UBE2E2: variants seen among roughly 807,000 people sequenced by gnomAD.
UBE2E2 encodes the protein ubiquitin-conjugating enzyme E2 E2.
A neutral mutation model predicts 24.7 loss-of-function variants in UBE2E2; 6 were observed. The observed-to-expected ratio is 0.24, with a 90% CI of 0.13 to 0.48. The LOEUF (loss-of-function observed/expected upper bound fraction) is 0.48. UBE2E2 is among the 20% of genes least tolerant of loss of function. The pLI is 0.99. For synonymous variants in UBE2E2, 104 were observed against 83.6 expected (o/e 1.24, Z -1.33); for missense variants, 169 against 245.0 (o/e 0.69, Z 2.07).
At chr3:23,250,502 G>C (rs1312857744) in intron 3 of UBE2E2, among the ~76,000 whole-genome samples, 1 of 152,100 alleles carries the variant, frequency 6.6e-6, no homozygotes, top group Non-Finnish European at 1.5e-5. Context: ...AAACTATTTA[G>C]TCCTATATTT....
chr3:23,450,285 TTCTC>T (rs1233083599), intron 3 of UBE2E2, among the ~76,000 whole-genome samples: 2 of 152,196 alleles, frequency 1.3e-5, no homozygotes, highest in African/African-American at 4.8e-5. Context: ...GATGGAAATG[TTCTC>T]TCTCTGTGCT....
At chr3:23,566,066 T>C (rs189774016) in intron 5 of UBE2E2, among the ~76,000 whole-genome samples, 2 of 152,290 alleles carry the variant, frequency 1.3e-5, no homozygotes, top group Admixed American at 1.3e-4. Context: ...AGCATAAAGT[T>C]TTTTGCCATG....
At chr3:23,257,530 C>CTTTTTTT (rs3057372) in intron 3 of UBE2E2, among the ~76,000 whole-genome samples, 1 of 16,258 alleles carries the variant, frequency 6.2e-5, no homozygotes, top group Non-Finnish European at 1.0e-4. Flanking sequence ...CCCCCCCCCA[C>CTTTTTTT]TTTTTTTTTT....
intron 4 of UBE2E2, among the ~76,000 whole-genome samples, chr3:23,500,364 G>A (rs935670094): frequency 6.6e-6 from 1 of 152,194 alleles, no homozygotes; most frequent in Non-Finnish European, 1.5e-5. Flanking sequence ...GTGGAAGAGT[G>A]CAGTGAAATC....
At chr3:23,521,806 G>A (rs1201894521) in intron 4 of UBE2E2, among the ~76,000 whole-genome samples, 1 of 152,136 alleles carries the variant, frequency 6.6e-6, no homozygotes, top group Non-Finnish European at 1.5e-5. Context: ...GCCCAGGAAA[G>A]ACAAAAGATT....
Position 23,589,412 on chromosome 3 carries a change from C to T in UBE2E2, c.509-322C>T, listed in dbSNP as rs1384624945. ...CACTCTAGCCTGAGTGACAGAGCAA[C>T]ACCCTGTCTCAAAAGAAAAAAAAAA... On this transcript the variant is annotated intron_variant, in intron 5 of 5. Transcript: ENST00000396703. The surrounding 1 kb of genome is among the most constrained non-coding windows in gnomAD (Gnocchi z 4.1). Among the ~76,000 whole-genome samples the T allele has an allele frequency of 6.9e-6, 1 of 144,436 alleles. No individual in the cohort carries two copies. Among genetic ancestry groups the T allele is most frequent in the Non-Finnish European group, 1.5e-5 (1 of 66,658 alleles). 94.8% of individuals were successfully genotyped at this position (144,436 alleles called of 152,430 possible).
rs1462501157 is a variant in UBE2E2 at position 23,591,477 on chromosome 3, G to T, written c.*1646G>T. On this transcript the variant is annotated 3_prime_UTR_variant, in exon 6 of 6. Transcript: ENST00000396703. ...ACCAAAATACCTGAGAATATTTTTT[G>T]TCTTTTTAATAACGATTTTACCATT... The T allele has an allele frequency of 6.6e-6, 1 of 152,060 alleles. No homozygotes were observed. Among genetic ancestry groups the T allele is most frequent in the Non-Finnish European group, 1.5e-5 (1 of 67,980 alleles). 9.4% of individuals were successfully genotyped at this position (152,060 alleles called of 1,614,324 possible).
At chr3:23,251,823 G>T (rs915679128) in intron 3 of UBE2E2, among the ~76,000 whole-genome samples, 1 of 151,934 alleles carries the variant, frequency 6.6e-6, no homozygotes, top group East Asian at 1.9e-4. Flanking sequence ...ACATGGCTAG[G>T]GTAAGGTTAC....
chr3:23,576,736 G>A (rs1174296040), intron 5 of UBE2E2, among the ~76,000 whole-genome samples: 1 of 152,170 alleles, frequency 6.6e-6, no homozygotes, highest in Non-Finnish European at 1.5e-5. Flanking sequence ...CCTGTGAGGG[G>A]AGAAACTTGT....
intron 3 of UBE2E2, among the ~76,000 whole-genome samples, chr3:23,225,506 T>G (rs1696794836): frequency 6.6e-6 from 1 of 152,180 alleles, no homozygotes; most frequent in Non-Finnish European, 1.5e-5. Context: ...ATTTCATTCC[T>G]TTTGGCTTGT....
At chr3:23,353,766 G>A (rs536267691) in intron 3 of UBE2E2, among the ~76,000 whole-genome samples, 15 of 152,214 alleles carry the variant, frequency 9.9e-5, no homozygotes, top group African/African-American at 2.6e-4. Flanking sequence ...AACATTCCAT[G>A]CTCATGGGTA....
chr3:23,311,849 A>G (rs1694404717), intron 3 of UBE2E2, among the ~76,000 whole-genome samples: 1 of 152,126 alleles, frequency 6.6e-6, no homozygotes, highest in African/African-American at 2.4e-5. Context: ...CCCCTCAAGC[A>G]TTTATCCTTT....
At chr3:23,564,667 C>T (rs1559423544) in intron 5 of UBE2E2, among the ~76,000 whole-genome samples, 1 of 152,002 alleles carries the variant, frequency 6.6e-6, no homozygotes, top group African/African-American at 2.4e-5. Context: ...AGTTAGGGTC[C>T]TGGTAGATAG....
Position 23,358,882 on chromosome 3 carries a change from A to G in UBE2E2, c.228-140726A>G, listed in dbSNP as rs926837504. Among the ~76,000 whole-genome samples the G allele has an allele frequency of 2.0e-5, 3 of 152,172 alleles. No homozygotes were observed. The East Asian group carries it at 5.8e-4, about 29-fold the overall frequency. Reference sequence around the variant, plus strand: ...TATGTGTAGTATCTCCTTTGGTCCTATTATTACCTTGTCAAAATTAACATT... The same window carrying G: ...TATGTGTAGTATCTCCTTTGGTCCTGTTATTACCTTGTCAAAATTAACATT... On this transcript the variant is annotated intron_variant, in intron 3 of 5. Coordinates refer to ENST00000396703, the MANE Select transcript of UBE2E2 (RefSeq NM_152653.4).
intron 3 of UBE2E2, among the ~76,000 whole-genome samples, chr3:23,494,934 G>A (rs1400597295): frequency 6.6e-6 from 1 of 151,804 alleles, no homozygotes; most frequent in Non-Finnish European, 1.5e-5. Flanking sequence ...ACCACACCTG[G>A]CAAATTTTTG....
intron 3 of UBE2E2, among the ~76,000 whole-genome samples, chr3:23,353,759 A>G (rs916550244): frequency 5.3e-5 from 8 of 152,176 alleles, no homozygotes; most frequent in South Asian, 2.1e-4. Flanking sequence ...ATGGAAGAAC[A>G]TTCCATGCTC....
intron 3 of UBE2E2, among the ~76,000 whole-genome samples, chr3:23,423,612 C>G (rs144480959): frequency 6.1e-4 from 93 of 152,204 alleles, no homozygotes; most frequent in African/African-American, 2.0e-3. Context: ...ACACTAATGC[C>G]ATAATCTATA....
chr3:23,414,655 T>G (rs1323454078), intron 3 of UBE2E2, among the ~76,000 whole-genome samples: 1 of 152,184 alleles, frequency 6.6e-6, no homozygotes, highest in Non-Finnish European at 1.5e-5. Context: ...GATATGTGTC[T>G]CCTCAAAATT....
rs149267603 is a variant in UBE2E2 at position 23,518,156 on chromosome 3, A to G, written c.361-14398A>G. ...GGGGAAAAGATAAACCCAAAAGAAC[A>G]GGCTTTGGAAGCCGTGGAATGTGAA... is the stretch of plus-strand genomic sequence containing the variant. On this transcript the variant is annotated intron_variant, in intron 4 of 5. Transcript: ENST00000396703. 4.9e-3 allele frequency among the ~76,000 whole-genome samples: 742 copies of G among 152,320 alleles called. 9 individuals carry two copies. Among genetic ancestry groups the G allele is most frequent in the African/African-American group, 0.017 (709 of 41,580 alleles).
Sources: allele counts gnomAD v4.1 joint callset (sites outside exome capture counted in the v4.1 genomes callset), GRCh38; gene constraint gnomAD v4.1.1; non-coding constraint Gnocchi (gnomAD v3.1); transcripts MANE v1.5; gene names NCBI Gene and HGNC (gene_info 2026-07-23, HGNC 2026-07-21).